Variants in AQR observed in about 807,000 individuals in gnomAD.
AQR encodes the protein aquarius intron-binding spliceosomal factor.
AQR carries 61 observed loss-of-function variants against 180.5 expected under a neutral mutation model. The ratio of observed to expected loss-of-function variants is 0.34; its 90% CI spans 0.28 to 0.42. The LOEUF (loss-of-function observed/expected upper bound fraction) is 0.42, where lower values mean the gene tolerates loss of function less well. AQR is among the 10% of genes least tolerant of loss of function. The pLI is 1.00. For missense variants in AQR, 1,281 were observed against 1,798.3 expected (o/e 0.71, Z 5.20); for synonymous variants, 551 against 588.8 (o/e 0.94, Z 0.93).
chr15:34,897,520 A>G (rs1893265400), intron 21 of AQR, 39 bp downstream of exon 21: 1 of 1,606,646 alleles, frequency 6.2e-7, no homozygotes, highest in Admixed American at 1.7e-5. Flanking sequence ...ATGGCAAACT[A>G]TTGTTCATCA....
rs1892868101 is a variant in AQR at position 34,874,720 on chromosome 15, C to T, written c.3382G>A (p.Val1128Ile). The change falls in exon 29 of 35, where the codon GTT (valine) becomes ATT (isoleucine). Residue 1128 changes from valine (V) to isoleucine (I), a missense_variant. Around this residue, in one of 9 missense-constraint regions of AQR, gnomAD observed 197 missense variants for 320.7 expected, o/e 0.61. Coordinates refer to ENST00000156471, the MANE Select transcript of AQR (RefSeq NM_014691.3). ...TGAGCATCAAGGTCAACAGTCGGAA[C>T]TCCAACGCGAACAAAGCGAGTGAAG... ...SLFTRFVRVG[V>I]PTVDLDAQGR... 1.2e-6 allele frequency: 2 copies of T among 1,613,676 alleles called. No individual in the cohort carries two copies. The highest frequency in any genetic ancestry group is 2.7e-5 in the African/African-American group (2 of 74,878).
chr15:34,865,989 G>C (rs1892733529), intron 32 of AQR, among the ~76,000 whole-genome samples: 1 of 152,008 alleles, frequency 6.6e-6, no homozygotes, highest in Non-Finnish European at 1.5e-5. Flanking sequence ...TAACTGCATA[G>C]CTGTTAATAT....
chr15:34,944,192 G>T, intron 6 of AQR, 96 bp downstream of exon 6: 1 of 1,198,312 alleles, frequency 8.3e-7, no homozygotes, highest in Non-Finnish European at 1.1e-6. Flanking sequence ...TGCTATTATG[G>T]ATGAATGGAG....
At position 34,884,518 on chromosome 15, in the gene AQR, T is replaced by A. The variant is rs1893026796; in HGVS notation, c.3027+7A>T. ...AAGGGAAGTTCAAAGAACTTGAGAA[T>A]CCTTACCTCAAGCTGCGTAAAGATT... On this transcript the variant is annotated splice_region_variant and intron_variant, in intron 26 of 34. Coordinates refer to ENST00000156471, the MANE Select transcript of AQR (RefSeq NM_014691.3). 1.3e-6 allele frequency: 2 copies of A among 1,569,278 alleles called. No homozygotes were observed. The highest frequency in any genetic ancestry group is 2.4e-5 in the South Asian group (2 of 83,566).
At chr15:34,960,613 T>A (rs949970670) in intron 3 of AQR, among the ~76,000 whole-genome samples, 161 bp downstream of exon 3, 5 of 152,148 alleles carry the variant, frequency 3.3e-5, no homozygotes, top group African/African-American at 1.2e-4. Context: ...CAAAAAATAA[T>A]TTATGACTCT....
At chr15:34,889,863 C>T (rs1325656306) in intron 24 of AQR, among the ~76,000 whole-genome samples, 1 of 152,040 alleles carries the variant, frequency 6.6e-6, no homozygotes, top group Non-Finnish European at 1.5e-5. Flanking sequence ...AATTAAATTC[C>T]TGAATAAGAT....
chr15:34,962,563 G>C (rs1431512210), intron 2 of AQR, among the ~76,000 whole-genome samples: 2 of 152,100 alleles, frequency 1.3e-5, no homozygotes, highest in Non-Finnish European at 2.9e-5. Context: ...GAAGTTAGGA[G>C]TTTGAGACCA....
Position 34,859,273 on chromosome 15 carries a change from C to T in AQR, c.4143+769G>A, listed in dbSNP as rs113642838. ...GAGCAGACACATCCCCAAAGATATA[C>T]AGATGGCAAATGACCACATGAAAAG... is the stretch of plus-strand genomic sequence containing the variant. On this transcript the variant is annotated intron_variant, in intron 34 of 34. Transcript: ENST00000156471. 8.4e-3 allele frequency among the ~76,000 whole-genome samples: 1,280 copies of T among 152,214 alleles called. 20 individuals carry two copies. The highest frequency in any genetic ancestry group is 0.03 in the African/African-American group (1,225 of 41,524).
intron 26 of AQR, among the ~76,000 whole-genome samples, chr15:34,882,855 C>T (rs1428360798): frequency 2.6e-5 from 4 of 151,864 alleles, no homozygotes; most frequent in Admixed American, 6.6e-5. Flanking sequence ...TTGTATGTAA[C>T]GTAAAATATG....
At chr15:34,892,860 T>C (rs1307728005) in intron 23 of AQR, among the ~76,000 whole-genome samples, 2 of 152,178 alleles carry the variant, frequency 1.3e-5, no homozygotes, top group African/African-American at 4.8e-5. Flanking sequence ...AACAGAATGG[T>C]TGTATGGGTA....
chr15:34,890,180 C>CT (rs1403224240), intron 24 of AQR, 35 bp downstream of exon 24: 2 of 1,519,612 alleles, frequency 1.3e-6, no homozygotes, highest in East Asian at 2.3e-5. Context: ...ATAAAAAATC[C>CT]TTTTTTACAC....
Position 34,856,961 on chromosome 15 carries a change from G to C in AQR, c.4289C>G (p.Thr1430Ser), listed in dbSNP as rs1268611737. ...SPTDTSCRQETPAFQTDTTPS... is the reference protein window; with the variant it reads ...SPTDTSCRQESPAFQTDTTPS... Reference sequence around the variant, plus strand: ...GGTGGTGTCAGTTTGAAAGGCTGGAGTTTCTTGACGGCAGCTGGTGTCTGT... The same window carrying C: ...GGTGGTGTCAGTTTGAAAGGCTGGACTTTCTTGACGGCAGCTGGTGTCTGT... Residue 1430 changes from threonine to serine, a missense_variant, in exon 35 of 35, where the codon ACT (threonine) becomes AGT (serine). Transcript: ENST00000156471. The C allele has an allele frequency of 6.2e-7, 1 of 1,614,146 alleles. No homozygotes were observed. The highest frequency in any genetic ancestry group is 1.1e-5 in the South Asian group (1 of 91,076).
At chr15:34,874,087 G>T in intron 29 of AQR, 88 bp from the exon 30 acceptor site, 1 of 1,274,136 alleles carries the variant, frequency 7.8e-7, no homozygotes, top group Non-Finnish European at 1.0e-6. Flanking sequence ...CTGTTTCTGT[G>T]CTTCTTTTAA....
intron 33 of AQR, among the ~76,000 whole-genome samples, chr15:34,860,877 GT>G (rs1287063816): frequency 1.3e-5 from 2 of 152,188 alleles, no homozygotes; most frequent in African/African-American, 2.4e-5. Flanking sequence ...GATTCAGAAG[GT>G]CTGGGTGGAA....
intron 19 of AQR, among the ~76,000 whole-genome samples, chr15:34,903,954 A>G (rs1893372969): frequency 6.6e-6 from 1 of 152,098 alleles, no homozygotes; most frequent in African/African-American, 2.4e-5. Context: ...GTGACCTGGA[A>G]GTATACCTAC....
chr15:34,968,675 A>C (rs2050326397), intron 1 of AQR, among the ~76,000 whole-genome samples: 1 of 152,216 alleles, frequency 6.6e-6, no homozygotes, highest in South Asian at 2.1e-4. Flanking sequence ...ACAATATAAC[A>C]GATTACGATA....
At chr15:34,932,255 G>A (rs1255271003) in intron 11 of AQR, 63 bp downstream of exon 11, 1 of 1,389,038 alleles carries the variant, frequency 7.2e-7, no homozygotes, top group Non-Finnish European at 1.0e-6. Context: ...CCAGTTGTGT[G>A]GCAAAGAAAA....
intron 14 of AQR, among the ~76,000 whole-genome samples, chr15:34,919,065 C>T (rs185414187): frequency 6.6e-6 from 1 of 151,772 alleles, no homozygotes; most frequent in Non-Finnish European, 1.5e-5. Context: ...ATGGTGAAAC[C>T]CCATCTCTAC....
intron 27 of AQR, among the ~76,000 whole-genome samples, chr15:34,882,090 G>A (rs1892980124): frequency 6.6e-6 from 1 of 152,174 alleles, no homozygotes; most frequent in African/African-American, 2.4e-5. Flanking sequence ...ACAGGCATGA[G>A]CCACCACACC....
Sources: gnomAD v4.1 joint callset for allele counts (sites outside exome capture counted in the v4.1 genomes callset) on GRCh38, gnomAD v4.1.1 for gene constraint, gnomAD v4.1.1 regional missense constraint, MANE v1.5 for transcripts, NCBI Gene and HGNC (gene_info 2026-07-23, HGNC 2026-07-21) for gene names.